The following IL1R2 variants were observed in gnomAD, a reference collection of about 807,000 sequenced individuals.
IL1R2 encodes interleukin 1 receptor type 2, also known as interleukin-1 receptor type 2.
IL1R2 carries 46 observed loss-of-function variants against 39.5 expected under a neutral mutation model. The ratio of observed to expected loss-of-function variants is 1.16; its 90% CI spans 0.92 to 1.49. The LOEUF is 1.49. Among genes scored for constraint, IL1R2 ranks in the 40% most tolerant of loss-of-function variants. IL1R2 has a pLI of 0.00. For synonymous variants in IL1R2, 207 were observed against 189.6 expected, an observed-to-expected ratio of 1.09 and a Z score of -0.75; for missense variants, 537 against 502.0, an observed-to-expected ratio of 1.07 and a Z score of -0.67.
intron 1 of IL1R2, among the ~76,000 whole-genome samples, chr2:102,006,039 T>C (rs144564630): frequency 6.6e-6 from 1 of 152,366 alleles, no homozygotes; most frequent in African/African-American, 2.4e-5. Context: ...GAATGTTCAA[T>C]ATTTGGCACA....
chr2:102,016,784 C>A lies in IL1R2; in HGVS notation c.513+733C>A, dbSNP rs3218907. Among the ~76,000 whole-genome samples, 1,313 of 152,250 alleles carry A rather than the reference C, an allele frequency of 8.6e-3. 20 individuals are homozygous for A. The highest frequency in any genetic ancestry group is 0.03 in the African/African-American group (1,257 of 41,540). Reference sequence around the variant, plus strand: ...GATTTAAAGTATATGGGAGGATATCCGTAGGTTATATGCAAAGATGACACC... The same window carrying A: ...GATTTAAAGTATATGGGAGGATATCAGTAGGTTATATGCAAAGATGACACC... On this transcript the variant is annotated intron_variant, in intron 4 of 8. Coordinates refer to ENST00000332549, the MANE Select transcript of IL1R2 (RefSeq NM_004633.4).
chr2:101,992,726 AAGAC>A (rs999846782), intron 1 of IL1R2, among the ~76,000 whole-genome samples: 12 of 149,348 alleles, frequency 8.0e-5, no homozygotes, highest in African/African-American at 2.7e-4. Flanking sequence ...CAGAGAGAGA[AAGAC>A]AGAGAGAAAC....
Position 101,999,790 on chromosome 2 carries a change from A to C in IL1R2, c.-62+7779A>C, listed in dbSNP as rs145437996. Among the ~76,000 whole-genome samples the C allele has an allele frequency of 5.8e-4, 88 of 152,304 alleles. 1 individual carries two copies. In the East Asian group the frequency reaches 0.016, roughly 28 times the overall value. ...GCTGTCACTGAGATAAAAACCTTAG[A>C]ATTCCTGGCAGCCTTGAAGATGTAT... is the stretch of plus-strand genomic sequence containing the variant. On this transcript the variant is annotated intron_variant, in intron 1 of 8. Coordinates refer to ENST00000332549, the MANE Select transcript of IL1R2 (RefSeq NM_004633.4).
chr2:102,017,744 G>A (rs911644425), intron 4 of IL1R2, among the ~76,000 whole-genome samples: 2 of 146,806 alleles, frequency 1.4e-5, no homozygotes, highest in Non-Finnish European at 3.0e-5. Context: ...ACTGGACACA[G>A]CCACATCCTC....
Position 102,022,872 on chromosome 2 carries a change from G to A in IL1R2, c.751+623G>A, listed in dbSNP as rs3218963. Among the ~76,000 whole-genome samples the A allele has an allele frequency of 4.0e-3, 606 of 152,232 alleles. 5 individuals carry two copies. Among genetic ancestry groups the A allele is most frequent in the African/African-American group, 0.014 (580 of 41,530 alleles). ...AACCAACTGATGCTAGTGGTGGGGC[G>A]GAATTGATGTTTATTGAGGATCCAC... On this transcript the variant is annotated intron_variant, in intron 6 of 8. Transcript: ENST00000332549.
chr2:102,028,342 C>T lies in IL1R2; in HGVS notation c.1147C>T (p.Leu383=). ...ACACAGAACTGGAAAAGCAGATGGT[C>T]TGACTGTGCTATGGCCTCATCATCA... ...CKHRTGKADG[L]TVLWPHHQDF... Residue 383 remains leucine, a synonymous_variant, in exon 9 of 9, where the codon CTG becomes TTG. Coordinates refer to ENST00000332549, the MANE Select transcript of IL1R2 (RefSeq NM_004633.4). 1 of 1,610,448 alleles carries T rather than the reference C, an allele frequency of 6.2e-7. No individual in the cohort carries two copies. Among genetic ancestry groups the T allele is most frequent in the South Asian group, 1.1e-5 (1 of 89,898 alleles).
intron 1 of IL1R2, among the ~76,000 whole-genome samples, chr2:102,002,766 C>CTATGTT (rs148444484): frequency 6.2e-3 from 2 of 324 alleles, no homozygotes; most frequent in African/African-American, 0.018. Flanking sequence ...ATATCTATAT[C>CTATGTT]TATATCTATA....
intron 1 of IL1R2, among the ~76,000 whole-genome samples, chr2:102,007,985 C>CA (rs554909551): frequency 2.5e-4 from 38 of 152,264 alleles, no homozygotes; most frequent in South Asian, 2.5e-3. Flanking sequence ...TTGGGGGTCC[C>CA]AAGTTTTTAT....
At chr2:102,006,512 C>T (rs1324864742) in intron 1 of IL1R2, among the ~76,000 whole-genome samples, 1 of 152,170 alleles carries the variant, frequency 6.6e-6, no homozygotes, top group Admixed American at 6.5e-5. Context: ...AGGGTCGGTT[C>T]CTCAATGCCG....
Position 102,019,774 on chromosome 2 carries a change from A to T in IL1R2, c.650A>T (p.Gln217Leu), listed in dbSNP as rs1677245439. Residue 217 changes from glutamine to leucine, a missense_variant, in exon 5 of 9, where the codon CAA becomes CTA. Gln to Leu is a moderately radical substitution (Grantham distance 113). Coordinates refer to ENST00000332549, the MANE Select transcript of IL1R2 (RefSeq NM_004633.4). ...CTGACATTTGCCCATGAAGGCCAGC[A>T]ATACAACATCACTAGGAGTATTGAG... ...CVLTFAHEGQ[Q>L]YNITRSIELR... 6.2e-6 allele frequency: 10 copies of T among 1,614,206 alleles called. No individual in the cohort carries two copies. Among genetic ancestry groups the T allele is most frequent in the Non-Finnish European group, 8.5e-6 (10 of 1,180,030 alleles).
chr2:102,016,089 T>C, intron 4 of IL1R2, 38 bp downstream of exon 4: 1 of 1,530,646 alleles, frequency 6.5e-7, no homozygotes, highest in Non-Finnish European at 9.0e-7. Context: ...TAAAATGTGT[T>C]TTCTTTTTTT....
chr2:102,008,448 C>A, intron 1 of IL1R2, 67 bp from the exon 2 acceptor site: 1 of 750,262 alleles, frequency 1.3e-6, no homozygotes, highest in South Asian at 1.5e-5. Context: ...CTGCCCCTAC[C>A]CCGTCTTCAA....
chr2:102,013,456 T>A (rs1676761374), intron 3 of IL1R2, among the ~76,000 whole-genome samples: 2 of 138,314 alleles, frequency 1.4e-5, no homozygotes, highest in Admixed American at 8.1e-5. Flanking sequence ...AGGCCAAGAT[T>A]TGAGCAGTAG....
At chr2:102,004,418 C>A (rs1676136607) in intron 1 of IL1R2, among the ~76,000 whole-genome samples, 1 of 144,588 alleles carries the variant, frequency 6.9e-6, no homozygotes. Context: ...TTGTCTTTTT[C>A]TTATGCCTGG....
At chr2:102,014,341 C>G (rs1391799507) in intron 3 of IL1R2, among the ~76,000 whole-genome samples, 1 of 152,150 alleles carries the variant, frequency 6.6e-6, no homozygotes, top group African/African-American at 2.4e-5. Context: ...ATAACGTGTG[C>G]AAAGTACACA....
intron 1 of IL1R2, among the ~76,000 whole-genome samples, chr2:102,006,664 G>A (rs577232857): frequency 5.9e-5 from 9 of 152,224 alleles, no homozygotes; most frequent in Non-Finnish European, 1.0e-4. Context: ...TTAGTCATAA[G>A]TATTCCCCGG....
chr2:102,013,124 G>A (rs1676739521), intron 3 of IL1R2, among the ~76,000 whole-genome samples: 1 of 152,172 alleles, frequency 6.6e-6, no homozygotes, highest in Non-Finnish European at 1.5e-5. Flanking sequence ...GATGTGAGCT[G>A]AGTTCTGTTT....
At chr2:101,997,821 T>C (rs1441950682) in intron 1 of IL1R2, among the ~76,000 whole-genome samples, 1 of 152,242 alleles carries the variant, frequency 6.6e-6, no homozygotes, top group Non-Finnish European at 1.5e-5. Context: ...CTCTCTCTTT[T>C]ACCTCTTGTC....
chr2:102,021,305 C>CTTTTTTTTTTTTTTTTTTTTT (rs546019141), intron 5 of IL1R2, among the ~76,000 whole-genome samples: 2 of 122,856 alleles, frequency 1.6e-5, no homozygotes, highest in Non-Finnish European at 3.4e-5. Context: ...CTTTTCTTTT[C>CTTTTTTTTTTTTTTTTTTTTT]TTTTTTTTTT....
Sources: gnomAD v4.1 joint callset for allele counts (sites outside exome capture counted in the v4.1 genomes callset) on GRCh38, gnomAD v4.1.1 for gene constraint, MANE v1.5 for transcripts, NCBI Gene and HGNC (gene_info 2026-07-23, HGNC 2026-07-21) for gene names.